CNTN3: variants seen among roughly 807,000 people sequenced by gnomAD.
CNTN3 encodes the protein contactin 3.
A neutral mutation model predicts 119.1 loss-of-function variants in CNTN3; 60 were observed. That is an observed-to-expected ratio of 0.50 (90% CI 0.41 to 0.62). The LOEUF (loss-of-function observed/expected upper bound fraction) is 0.62. CNTN3 is among the 20% of genes least tolerant of loss of function. The pLI, the probability that CNTN3 is intolerant of heterozygous loss-of-function variation, is 0.00. For synonymous variants in CNTN3, 450 were observed against 438.7 expected, an observed-to-expected ratio of 1.03 and a Z score of -0.32; for missense variants, 1,101 against 1,242.4, an observed-to-expected ratio of 0.89 and a Z score of 1.71.
intron 1 of CNTN3, among the ~76,000 whole-genome samples, chr3:74,595,904 C>T (rs1704799391): frequency 6.6e-6 from 1 of 152,134 alleles, no homozygotes; most frequent in African/African-American, 2.4e-5. Flanking sequence ...CAAATTGTCC[C>T]TGTTTGCAGA....
intron 20 of CNTN3, among the ~76,000 whole-genome samples, chr3:74,269,310 T>C (rs964900270): frequency 6.6e-6 from 1 of 152,118 alleles, no homozygotes; most frequent in East Asian, 1.9e-4. Flanking sequence ...ATGCCTTATA[T>C]AAACATTCTA....
intron 5 of CNTN3, among the ~76,000 whole-genome samples, chr3:74,380,831 A>AT (rs1306056632): frequency 9.2e-5 from 14 of 152,026 alleles, no homozygotes; most frequent in African/African-American, 3.4e-4. Context: ...ATTACATCTC[A>AT]TTTTCTTTTA....
chr3:74,483,905 G>A (rs1702806099), intron 4 of CNTN3, among the ~76,000 whole-genome samples: 1 of 152,020 alleles, frequency 6.6e-6, no homozygotes, highest in African/African-American at 2.4e-5. Context: ...ACTGCAAGAG[G>A]TGAAAGATAA....
intron 3 of CNTN3, among the ~76,000 whole-genome samples, chr3:74,492,974 G>A: frequency 6.6e-6 from 1 of 151,996 alleles, no homozygotes; most frequent in East Asian, 1.9e-4. Context: ...CTTGAATAAA[G>A]CAATCTAATT....
intron 9 of CNTN3, among the ~76,000 whole-genome samples, chr3:74,365,082 G>A (rs1468442137): frequency 6.6e-6 from 1 of 152,016 alleles, no homozygotes; most frequent in Non-Finnish European, 1.5e-5. Flanking sequence ...GTTAGGTATG[G>A]AAACTGAAAG....
chr3:74,417,492 G>T (rs1701542332), intron 5 of CNTN3, among the ~76,000 whole-genome samples: 1 of 152,142 alleles, frequency 6.6e-6, no homozygotes, highest in African/African-American at 2.4e-5. Flanking sequence ...ATAGCTGTTT[G>T]ATGGATACTT....
At chr3:74,308,099 G>C (rs1351598890) in intron 13 of CNTN3, among the ~76,000 whole-genome samples, 1 of 152,090 alleles carries the variant, frequency 6.6e-6, no homozygotes, top group East Asian at 1.9e-4. Context: ...TCCTCTGTAA[G>C]ACTCCCGGAA....
At chr3:74,612,370 C>T (rs768405359) in intron 1 of CNTN3, among the ~76,000 whole-genome samples, 16 of 152,192 alleles carry the variant, frequency 1.1e-4, no homozygotes, top group African/African-American at 3.9e-4. Context: ...CAGCACTTTG[C>T]TCCTATTAAA....
chr3:74,594,505 C>A (rs1247245011), intron 1 of CNTN3, among the ~76,000 whole-genome samples: 1 of 151,494 alleles, frequency 6.6e-6, no homozygotes, highest in Non-Finnish European at 1.5e-5. Context: ...CATATGTTCT[C>A]ATTGTTCAAT....
At chr3:74,550,287 G>A (rs963716897) in intron 1 of CNTN3, among the ~76,000 whole-genome samples, 3 of 152,164 alleles carry the variant, frequency 2.0e-5, no homozygotes, top group Non-Finnish European at 4.4e-5. Flanking sequence ...GAATACATAC[G>A]AACTGAGCGA....
At position 74,361,874 on chromosome 3, in the gene CNTN3, C is replaced by G; in HGVS notation, c.1364+16G>C. On this transcript the variant is annotated intron_variant, in intron 11 of 22. Coordinates refer to ENST00000263665, the MANE Select transcript of CNTN3 (RefSeq NM_020872.3). ...GAGAGGAAAGTAAATGACCACTTTT[C>G]TGGACATCAAAATACCTTTCATGCT... 2 of 1,592,890 alleles carry G rather than the reference C, an allele frequency of 1.3e-6. No homozygotes were observed. The highest frequency in any genetic ancestry group is 2.3e-5 in the South Asian group (2 of 88,198).
intron 2 of CNTN3, among the ~76,000 whole-genome samples, chr3:74,518,675 G>A (rs1173029907): frequency 6.6e-6 from 1 of 151,876 alleles, no homozygotes; most frequent in African/African-American, 2.4e-5. Context: ...AATCATTTCA[G>A]GAAGAACTTG....
intron 1 of CNTN3, among the ~76,000 whole-genome samples, chr3:74,605,319 G>A (rs1391728997): frequency 4.6e-5 from 7 of 151,934 alleles, no homozygotes; most frequent in Non-Finnish European, 2.9e-5. Context: ...ATAAGCATGT[G>A]ATATAATATG....
chr3:74,389,952 A>G (rs749493131), intron 5 of CNTN3, among the ~76,000 whole-genome samples: 6 of 152,214 alleles, frequency 3.9e-5, no homozygotes, highest in Non-Finnish European at 7.3e-5. Context: ...AGACATAATT[A>G]GGATTCTTGG....
intron 11 of CNTN3, 42 bp from the exon 12 acceptor site, chr3:74,336,700 AT>A (rs543710891): frequency 1.5e-4 from 226 of 1,478,406 alleles, no homozygotes; most frequent in African/African-American, 1.3e-3. Context: ...TATAATAGCC[AT>A]TTTTTTTCCA....
In CNTN3 at chr3:74,384,331, T is replaced by C. The variant is rs1704694833; in HGVS notation, c.455-12932A>G. Among the ~76,000 whole-genome samples, 3 of 152,218 alleles carry C rather than the reference T, an allele frequency of 2.0e-5. No individual in the cohort carries two copies. In the South Asian group the frequency reaches 6.2e-4, roughly 31 times the overall value. ...TTCTAATAAAGGAAACAGATCTCCT[T>C]GTGAAAAGAAAAAGCAGCAATCATG... is the stretch of plus-strand genomic sequence containing the variant. On this transcript the variant is annotated intron_variant, in intron 5 of 22. Coordinates refer to ENST00000263665, the MANE Select transcript of CNTN3 (RefSeq NM_020872.3).
chr3:74,561,935 C>T (rs1253476511), intron 1 of CNTN3, among the ~76,000 whole-genome samples: 1 of 152,120 alleles, frequency 6.6e-6, no homozygotes, highest in Non-Finnish European at 1.5e-5. Context: ...CTTACTGACA[C>T]ATATTTCACA....
At position 74,536,734 on chromosome 3, in the gene CNTN3, T is replaced by C. The variant is rs573135422; in HGVS notation, c.-80-15542A>G. 3.3e-5 allele frequency among the ~76,000 whole-genome samples: 5 copies of C among 152,242 alleles called. No homozygotes were observed. The South Asian group carries it at 8.3e-4, about 25-fold the overall frequency. ...GGACATTTGGAGACATTTTATTTTG[T>C]AGGAGCAGAACAAGTTCCCTTCACC... On this transcript the variant is annotated intron_variant, in intron 1 of 22. Transcript: ENST00000263665.
At chr3:74,386,841 C>A (rs545225655) in intron 5 of CNTN3, among the ~76,000 whole-genome samples, 1 of 152,290 alleles carries the variant, frequency 6.6e-6, no homozygotes, top group Admixed American at 6.5e-5. Flanking sequence ...TTTTTGTTGT[C>A]ATTTTGGTCT....
Sources: allele counts gnomAD v4.1 joint callset (sites outside exome capture counted in the v4.1 genomes callset), GRCh38; gene constraint gnomAD v4.1.1; transcripts MANE v1.5; gene names NCBI Gene and HGNC (gene_info 2026-07-23, HGNC 2026-07-21).